CDKL5: variants seen among roughly 807,000 people sequenced by gnomAD.
CDKL5 encodes the protein cyclin dependent kinase like 5.
CDKL5 carries 8 observed loss-of-function variants against 61.7 expected under a neutral mutation model. The ratio of observed to expected loss-of-function variants is 0.13; its 90% CI spans 0.08 to 0.23. The LOEUF is 0.23. Among genes scored for constraint, CDKL5 ranks in the 10% least tolerant of loss-of-function variants. The pLI is 1.00. For synonymous variants in CDKL5, 275 were observed against 272.3 expected, an observed-to-expected ratio of 1.01 and a Z score of -0.10; for missense variants, 440 against 734.5, an observed-to-expected ratio of 0.60 and a Z score of 4.63.
chrX:18,612,526 G>A (rs1220330834), intron 14 of CDKL5, among the ~76,000 whole-genome samples: 1 of 109,824 alleles, frequency 9.1e-6, no homozygotes, highest in Non-Finnish European at 1.9e-5. Context: ...CAGGTGTGGT[G>A]GTGTGCACCT....
At chrX:18,536,603 C>T (rs1446622289) in intron 3 of CDKL5, among the ~76,000 whole-genome samples, 9 of 107,849 alleles carry the variant, frequency 8.3e-5, no homozygotes, top group Non-Finnish European at 1.7e-4. Flanking sequence ...GCGCCACCAC[C>T]CCTGGCTAAT....
In CDKL5 at chrX:18,564,463, CT is replaced by C. The variant is rs1924898134; in HGVS notation, c.100-10del. The C allele has an allele frequency of 8.6e-7, 1 of 1,163,927 alleles. No homozygotes were observed. The highest frequency in any genetic ancestry group is 1.2e-6 in the Non-Finnish European group (1 of 857,114). On this transcript the variant is annotated splice_polypyrimidine_tract_variant and intron_variant, in intron 3 of 17. Transcript: ENST00000623535. ...CTGGAGAATGACTTTCCTTCTGCTT[CT>C]TTTCCCTTGCAGGAAACACATGAAA...
In CDKL5 at chrX:18,555,923, A is replaced by G. The variant is rs369212441; in HGVS notation, c.100-8554A>G. ...AGTATTGAAATTTAGCAGTAAATCT[A>G]ACTTTTAGTATTGACAAGCTATGGT... On this transcript the variant is annotated intron_variant, in intron 3 of 17. Coordinates refer to ENST00000623535, the MANE Select transcript of CDKL5 (RefSeq NM_001323289.2). Among the ~76,000 whole-genome samples the G allele has an allele frequency of 1.5e-4, 17 of 112,342 alleles. No individual in the cohort carries two copies. In the East Asian group the frequency reaches 2.5e-3, roughly 17 times the overall value.
chrX:18,619,988 A>G (rs147144069), intron 16 of CDKL5, 22 bp downstream of exon 16: 2 of 927,009 alleles, frequency 2.2e-6, no homozygotes, highest in East Asian at 3.1e-5. Context: ...ACCAGTTTCT[A>G]TATATAATAA....
chrX:18,642,717 T>G (rs1027141006), downstream of CDKL5, among the ~76,000 whole-genome samples: 1 of 112,461 alleles, frequency 8.9e-6, no homozygotes, highest in African/African-American at 3.2e-5. Flanking sequence ...TGAGTACCTT[T>G]CCAACTTGGA....
rs1162246309 is a variant in CDKL5, at chrX:18,630,114, G to C, written c.*1357G>C. 1 of 751,934 alleles carries C rather than the reference G, an allele frequency of 1.3e-6. No individual in the cohort carries two copies. The highest frequency in any genetic ancestry group is 1.6e-6 in the Non-Finnish European group (1 of 638,932). 62.0% of individuals were successfully genotyped at this position (751,934 alleles called of 1,213,427 possible). On this transcript the variant is annotated 3_prime_UTR_variant, in exon 18 of 18. Transcript: ENST00000623535. ...AAGGCTCCTGGAGCAATTCCAGATA[G>C]ATAAAAAATTACTCTATCCATTTTT...
rs1296674147 is a variant in CDKL5 at position 18,588,931 on chromosome X, CA to C, written c.744+798del. The C allele has an allele frequency of 7.6e-3, 773 of 101,108 alleles. 8 individuals are homozygous for C. The highest frequency in any genetic ancestry group is 0.025 in the African/African-American group (713 of 28,108). The allele number at this position is 101,108 out of a possible 1,213,427, so 8.3% of individuals were successfully genotyped here. A position where few individuals can be genotyped will look rare whatever the true frequency, so the allele number is the denominator to read the frequency against. Reference sequence around the variant, plus strand: ...TCTGTCTCAAAAAAAAAAACAAAAACAAAAAAAAAACAACAACTAGTGTATT... The same window carrying C: ...TCTGTCTCAAAAAAAAAAACAAAAACAAAAAAAAACAACAACTAGTGTATT... On this transcript the variant is annotated intron_variant, in intron 9 of 17. Transcript: ENST00000623535.
intron 1 of CDKL5, among the ~76,000 whole-genome samples, chrX:18,455,049 C>T (rs1382756435): frequency 1.8e-5 from 2 of 110,207 alleles, no homozygotes; most frequent in Non-Finnish European, 3.8e-5. Flanking sequence ...ACTATTTTGA[C>T]GTATGTCTAG....
At chrX:18,514,449 G>A (rs747604151) in intron 3 of CDKL5, among the ~76,000 whole-genome samples, 3 of 111,704 alleles carry the variant, frequency 2.7e-5, no homozygotes, top group Non-Finnish European at 5.6e-5. Context: ...GCTCACGCCT[G>A]TAATCCCAGC....
At chrX:18,523,397 G>T (rs1378113594) in intron 3 of CDKL5, among the ~76,000 whole-genome samples, 1 of 111,101 alleles carries the variant, frequency 9.0e-6, no homozygotes, top group African/African-American at 3.3e-5. Context: ...TTTTGTGTCC[G>T]ATTTCTTTCA....
chrX:18,642,938 T>TGGAGGC (rs759236531), downstream of CDKL5, among the ~76,000 whole-genome samples: 2 of 109,882 alleles, frequency 1.8e-5, no homozygotes, highest in East Asian at 5.8e-4. Flanking sequence ...CCAGCTACTC[T>TGGAGGC]GGAGGCGGAG....
chrX:18,502,517 G>A (rs1922424165), intron 1 of CDKL5, among the ~76,000 whole-genome samples: 1 of 111,307 alleles, frequency 9.0e-6, no homozygotes, highest in African/African-American at 3.3e-5. Context: ...GGAGGTCAAG[G>A]CCTGTGGCTC....
At chrX:18,587,736 T>C (rs1925686725) in intron 8 of CDKL5, 1 of 426,239 alleles carries the variant, frequency 2.3e-6, no homozygotes, top group Admixed American at 4.1e-5. Flanking sequence ...CAAATTAGTG[T>C]ATACTAACTA....
At chrX:18,551,424 G>T (rs1022162338) in intron 3 of CDKL5, among the ~76,000 whole-genome samples, 2 of 108,770 alleles carry the variant, frequency 1.8e-5, no homozygotes, top group Admixed American at 2.0e-4. Context: ...AGGATTTCTG[G>T]ATATGTGGGT....
chrX:18,568,842 G>T (rs1031705273), intron 4 of CDKL5, among the ~76,000 whole-genome samples: 1 of 109,635 alleles, frequency 9.1e-6, no homozygotes, highest in East Asian at 2.9e-4. Context: ...CTACAGGTGC[G>T]CACCACCACT....
chrX:18,534,724 G>A (rs897872775), intron 3 of CDKL5, among the ~76,000 whole-genome samples: 1 of 112,065 alleles, frequency 8.9e-6, no homozygotes, highest in Non-Finnish European at 1.9e-5. Flanking sequence ...CATTGTTTTC[G>A]AGATTCCTTT....
chrX:18,556,971 G>A lies in CDKL5; in HGVS notation c.100-7506G>A, dbSNP rs1924627053. ...CGATAAAGTAGTAATTTCTGTGTTTGTAGGGTTTTACTTATGCTCAGGGAG... is the reference window on the plus strand; with the variant it reads ...CGATAAAGTAGTAATTTCTGTGTTTATAGGGTTTTACTTATGCTCAGGGAG... On this transcript the variant is annotated intron_variant, in intron 3 of 17. Coordinates refer to ENST00000623535, the MANE Select transcript of CDKL5 (RefSeq NM_001323289.2). Among the ~76,000 whole-genome samples the A allele has an allele frequency of 2.8e-5, 3 of 108,971 alleles. No homozygotes were observed. The Admixed American group carries it at 3.0e-4, about 11-fold the overall frequency. The allele number at this position is 108,971 out of a possible 115,157, so 94.6% of individuals were successfully genotyped here.
intron 3 of CDKL5, among the ~76,000 whole-genome samples, chrX:18,521,903 C>T (rs1923255657): frequency 8.9e-6 from 1 of 112,188 alleles, no homozygotes; most frequent in East Asian, 2.8e-4. Flanking sequence ...GGCTATGTGC[C>T]TGTCTTTATG....
intron 8 of CDKL5, 116 bp downstream of exon 8, chrX:18,584,469 A>G (rs1925581158): frequency 1.9e-6 from 1 of 536,850 alleles, no homozygotes; most frequent in Non-Finnish European, 3.3e-6. Flanking sequence ...TGTCAGTTAC[A>G]TATTGCAGTA....
Sources: gnomAD v4.1 joint callset for allele counts (sites outside exome capture counted in the v4.1 genomes callset) on GRCh38, gnomAD v4.1.1 for gene constraint, MANE v1.5 for transcripts, NCBI Gene and HGNC (gene_info 2026-07-23, HGNC 2026-07-21) for gene names.